Variants in TAFA2 observed in about 807,000 individuals in gnomAD.
TAFA2 encodes the protein TAFA chemokine like family member 2, also known as chemokine-like protein TAFA-2.
Under a neutral mutation model 18.8 loss-of-function variants are expected in TAFA2, and 7 were observed. The ratio of observed to expected loss-of-function variants is 0.37; its 90% CI spans 0.21 to 0.70. The LOEUF (loss-of-function observed/expected upper bound fraction) is 0.70. Ranked by LOEUF, TAFA2 falls within the 30% of genes least tolerant of loss-of-function variation. The pLI, the probability that TAFA2 is intolerant of heterozygous loss-of-function variation, is 0.53. For missense variants in TAFA2, 122 were observed against 158.1 expected, an observed-to-expected ratio of 0.77 and a Z score of 1.23; for synonymous variants, 60 against 54.2, an observed-to-expected ratio of 1.11 and a Z score of -0.47.
intron 1 of TAFA2, among the ~76,000 whole-genome samples, chr12:62,031,582 GTTGTCT>G (rs1881460626): frequency 6.6e-6 from 1 of 152,086 alleles, no homozygotes; most frequent in Non-Finnish European, 1.5e-5. Flanking sequence ...TAAGAGCTGA[GTTGTCT>G]GTTTTAGGGT....
chr12:61,810,218 A>T (rs888650006), intron 2 of TAFA2, among the ~76,000 whole-genome samples: 2 of 151,310 alleles, frequency 1.3e-5, no homozygotes, highest in African/African-American at 4.9e-5. Flanking sequence ...TTCTGCCTCT[A>T]TGGTTTTTGA....
chr12:61,829,378 T>C (rs190397514), intron 2 of TAFA2, among the ~76,000 whole-genome samples: 53 of 151,818 alleles, frequency 3.5e-4, no homozygotes, highest in African/African-American at 1.3e-3. Context: ...TCATTTCTTA[T>C]CACAATATGA....
chr12:62,172,436 T>C (rs1315300005), intron 1 of TAFA2, among the ~76,000 whole-genome samples: 1 of 152,194 alleles, frequency 6.6e-6, no homozygotes, highest in Non-Finnish European at 1.5e-5. Flanking sequence ...AAGCTCCACA[T>C]AGAAGGAAGT....
chr12:62,203,121 C>T (rs2062678659), intron 1 of TAFA2, among the ~76,000 whole-genome samples: 1 of 152,160 alleles, frequency 6.6e-6, no homozygotes, highest in Non-Finnish European at 1.5e-5. Context: ...GCCACCACAC[C>T]CATCTTACAT....
chr12:62,077,020 C>T (rs1482868911), intron 1 of TAFA2, among the ~76,000 whole-genome samples: 2 of 152,144 alleles, frequency 1.3e-5, no homozygotes, highest in African/African-American at 4.8e-5. Flanking sequence ...GATTAACTTT[C>T]TGATATGTTC....
At chr12:62,009,910 G>A (rs1263240782) in intron 1 of TAFA2, among the ~76,000 whole-genome samples, 1 of 152,090 alleles carries the variant, frequency 6.6e-6, no homozygotes, top group Non-Finnish European at 1.5e-5. Flanking sequence ...TGGTGACAAA[G>A]TACTGTGTGT....
At chr12:62,094,444 G>A (rs539998074) in intron 1 of TAFA2, among the ~76,000 whole-genome samples, 6 of 151,932 alleles carry the variant, frequency 3.9e-5, no homozygotes, top group Admixed American at 6.6e-5. Flanking sequence ...AAGAACTTAC[G>A]CATGTAACCA....
At chr12:62,011,200 G>A (rs1334107481) in intron 1 of TAFA2, among the ~76,000 whole-genome samples, 1 of 152,182 alleles carries the variant, frequency 6.6e-6, no homozygotes, top group Non-Finnish European at 1.5e-5. Context: ...GAAGTGAGGA[G>A]CACCTCTGCC....
At chr12:61,992,520 T>C (rs1209872459) in intron 1 of TAFA2, among the ~76,000 whole-genome samples, 1 of 152,172 alleles carries the variant, frequency 6.6e-6, no homozygotes, top group Non-Finnish European at 1.5e-5. Flanking sequence ...CTACTGTTTG[T>C]TCCTACATAG....
chr12:61,782,337 A>G (rs1268425877), intron 2 of TAFA2, among the ~76,000 whole-genome samples: 1 of 151,690 alleles, frequency 6.6e-6, no homozygotes, highest in Non-Finnish European at 1.5e-5. Flanking sequence ...GGCTTCCTAC[A>G]TGATAAAATC....
At chr12:62,180,010 A>G (rs1351493060) in intron 1 of TAFA2, among the ~76,000 whole-genome samples, 3 of 152,224 alleles carry the variant, frequency 2.0e-5, no homozygotes, top group East Asian at 1.9e-4. Flanking sequence ...AGTTCACCTT[A>G]AAGACTAGGT....
intron 1 of TAFA2, among the ~76,000 whole-genome samples, chr12:62,135,024 A>G (rs1870839973): frequency 6.6e-6 from 1 of 151,948 alleles, no homozygotes; most frequent in Non-Finnish European, 1.5e-5. Context: ...GACCCCAAAT[A>G]CTAAGTTAAA....
At chr12:61,856,040 T>A (rs1246708718) in intron 2 of TAFA2, among the ~76,000 whole-genome samples, 1 of 152,096 alleles carries the variant, frequency 6.6e-6, no homozygotes, top group Non-Finnish European at 1.5e-5. Context: ...TATCTAGAGA[T>A]GGGTTATATG....
At chr12:61,983,907 C>T (rs1879727606) in intron 1 of TAFA2, among the ~76,000 whole-genome samples, 1 of 152,180 alleles carries the variant, frequency 6.6e-6, no homozygotes, top group Non-Finnish European at 1.5e-5. Flanking sequence ...CCCAGAGTCT[C>T]CTGCTAATCA....
rs147856486 is a variant in TAFA2 at position 62,098,027 on chromosome 12, A to G, written c.-2+93232T>C. ...ATGTGACAATATATATAACTTTAAT[A>G]TATACTTATCAGCAAGAATTTCCCA... On this transcript the variant is annotated intron_variant, in intron 1 of 4. Coordinates refer to ENST00000416284, the MANE Select transcript of TAFA2 (RefSeq NM_178539.5). 2.0e-4 allele frequency among the ~76,000 whole-genome samples: 30 copies of G among 152,290 alleles called. 1 individual carries two copies. In the East Asian group the frequency reaches 3.3e-3, roughly 17 times the overall value.
chr12:61,855,899 C>T (rs1335976664), intron 2 of TAFA2, among the ~76,000 whole-genome samples: 1 of 151,882 alleles, frequency 6.6e-6, no homozygotes, highest in East Asian at 1.9e-4. Context: ...GAAGAAATAA[C>T]ACCAAAAAGA....
intron 2 of TAFA2, among the ~76,000 whole-genome samples, chr12:61,810,129 T>A (rs1161693205): frequency 6.6e-6 from 1 of 151,408 alleles, no homozygotes; most frequent in Non-Finnish European, 1.5e-5. Flanking sequence ...CCTGTATAAT[T>A]TACAGTTTTC....
intron 1 of TAFA2, among the ~76,000 whole-genome samples, 174 bp from the exon 2 acceptor site, chr12:61,867,600 A>C (rs1049910053): frequency 2.0e-5 from 3 of 152,118 alleles, no homozygotes; most frequent in African/African-American, 7.2e-5. Context: ...AGAGAAAATA[A>C]AGGTTTTCCA....
chr12:62,062,863 G>T (rs146384758), intron 1 of TAFA2, among the ~76,000 whole-genome samples: 32 of 152,142 alleles, frequency 2.1e-4, no homozygotes, highest in African/African-American at 7.5e-4. Context: ...GCTTTTAAAG[G>T]CCACCGCATT....
Sources: allele counts gnomAD v4.1 joint callset (sites outside exome capture counted in the v4.1 genomes callset), GRCh38; gene constraint gnomAD v4.1.1; transcripts MANE v1.5; gene names NCBI Gene and HGNC (gene_info 2026-07-23, HGNC 2026-07-21).